Variants in METTL21A observed in about 807,000 individuals in gnomAD.
The protein encoded by METTL21A is methyltransferase 21A, HSPA lysine.
METTL21A carries 22 observed loss-of-function variants against 20.9 expected under a neutral mutation model. That is an observed-to-expected ratio of 1.05 (90% CI 0.75 to 1.50). The LOEUF is 1.50. Among genes scored for constraint, METTL21A ranks in the 40% most tolerant of loss-of-function variants. The pLI is 0.00. For synonymous variants in METTL21A, 93 were observed against 102.0 expected (o/e 0.91, Z 0.53); for missense variants, 271 against 266.8 (o/e 1.02, Z -0.11).
upstream of METTL21A, chr2:207,626,027 CGCTCGGCTCCAGCCCCGGCCCCAGG>C (rs2091043540): frequency 6.6e-6 from 1 of 152,358 alleles, no homozygotes; most frequent in African/African-American, 2.4e-5. Flanking sequence ...TCTGGGCGTG[CGCTCGGCTCCAGCCCCGGCCCCAGG>C]CGGCGCTGCA....
At chr2:207,590,191 A>C (rs933265572) in intron 3 of METTL21A, among the ~76,000 whole-genome samples, 1 of 150,738 alleles carries the variant, frequency 6.6e-6, no homozygotes, top group African/African-American at 2.4e-5. Flanking sequence ...CATTTCTTCA[A>C]AGTTATCAAA....
chr2:207,597,571 C>G, intron 3 of METTL21A: 1 of 209,990 alleles, frequency 4.8e-6, no homozygotes, highest in Non-Finnish European at 9.7e-6. Context: ...TGTTAAGAGA[C>G]ATACCCTCTA....
At chr2:207,616,183 T>C (rs534215145) in intron 3 of METTL21A, among the ~76,000 whole-genome samples, 3 of 146,102 alleles carry the variant, frequency 2.1e-5, no homozygotes, top group East Asian at 2.0e-4. Context: ...CTATCTCTTT[T>C]AAAAAAAAAA....
chr2:207,588,130 C>G (rs1413134285), intron 3 of METTL21A, among the ~76,000 whole-genome samples: 1 of 11,268 alleles, frequency 8.9e-5, no homozygotes, highest in East Asian at 0.014. Flanking sequence ...ATCAATATCA[C>G]ACAGACTTCG....
intron 3 of METTL21A, chr2:207,598,995 G>T (rs56325368): frequency 5.4e-6 from 1 of 184,914 alleles, no homozygotes; most frequent in African/African-American, 2.3e-5. Context: ...AGTGTTAATT[G>T]CTGGATCCAT....
At chr2:207,612,797 C>A (rs550512576) in exon 4 of METTL21A, 9 of 370,136 alleles carry the variant, frequency 2.4e-5, no homozygotes, top group Non-Finnish European at 4.3e-5. Flanking sequence ...ACACAAATAG[C>A]ATAAATCGAA....
At chr2:207,609,720 T>G (rs997980744), downstream of METTL21A, 1 of 151,464 alleles carries the variant, frequency 6.6e-6, no homozygotes, top group Admixed American at 6.6e-5. Flanking sequence ...TGAGCAAGGG[T>G]AAAACAGAAG....
At chr2:207,581,510 A>G (rs2082955124), downstream of METTL21A, 1 of 210,350 alleles carries the variant, frequency 4.8e-6, no homozygotes, top group Admixed American at 5.9e-5. Flanking sequence ...ACATTACCTA[A>G]AAATTGAATT....
downstream of METTL21A, among the ~76,000 whole-genome samples, chr2:207,605,213 C>T (rs1047645988): frequency 6.6e-6 from 1 of 152,200 alleles, no homozygotes; most frequent in Non-Finnish European, 1.5e-5. Context: ...AATTTCTCCA[C>T]ACCTTCACCA....
At chr2:207,620,720 T>G (rs2090385240) in intron 3 of METTL21A, 4 of 1,529,730 alleles carry the variant, frequency 2.6e-6, no homozygotes, top group Non-Finnish European at 3.5e-6. Context: ...GACGGAAACC[T>G]CTGTCAATTT....
At chr2:207,602,787 T>C in intron 3 of METTL21A, 1 of 215,976 alleles carries the variant, frequency 4.6e-6, no homozygotes, top group East Asian at 6.9e-5. Flanking sequence ...AACATTTTTT[T>C]TGAGTATAGA....
chr2:207,582,001 G>T, exon 4 of METTL21A: 1 of 699,650 alleles, frequency 1.4e-6, no homozygotes, highest in Non-Finnish European at 2.6e-6. Context: ...GAGGTATAGT[G>T]TGCCTTTCTC....
intron 3 of METTL21A, chr2:207,600,620 C>T (rs2086886092): frequency 4.7e-6 from 1 of 212,144 alleles, no homozygotes; most frequent in African/African-American, 2.3e-5. Flanking sequence ...TTTCAAAAAT[C>T]ATCCTGGGGG....
intron 3 of METTL21A, 67 bp from the exon 4 acceptor site, chr2:207,613,510 C>T (rs2089271029): frequency 2.1e-6 from 3 of 1,418,094 alleles, no homozygotes; most frequent in African/African-American, 1.4e-5. Flanking sequence ...GAGAGGGGGT[C>T]AAGTTAAATG....
At chr2:207,588,187 A>G (rs770382718) in intron 3 of METTL21A, among the ~76,000 whole-genome samples, 34 of 152,278 alleles carry the variant, frequency 2.2e-4, no homozygotes, top group Middle Eastern at 3.4e-3. Flanking sequence ...TTATATTTAG[A>G]TCTATAATTC....
At chr2:207,586,826 T>G (rs2083927622) in intron 3 of METTL21A, among the ~76,000 whole-genome samples, 1 of 152,238 alleles carries the variant, frequency 6.6e-6, no homozygotes, top group Non-Finnish European at 1.5e-5. Flanking sequence ...ATTGTCAGAT[T>G]AAAACCACAA....
chr2:207,624,309 T>A (rs532031255), exon 2 of METTL21A: 3 of 1,613,918 alleles, frequency 1.9e-6, no homozygotes, highest in Admixed American at 1.7e-5. Flanking sequence ...AAGGAAAAAG[T>A]TGCAAGAGGC....
chr2:207,621,713 G>C (rs2090497217), intron 3 of METTL21A, 93 bp downstream of exon 3: 3 of 1,100,732 alleles, frequency 2.7e-6, no homozygotes, highest in Non-Finnish European at 4.2e-6. Context: ...AACCCAGTAA[G>C]GGGAAAACCC....
intron 3 of METTL21A, chr2:207,597,276 C>T: frequency 4.4e-6 from 2 of 455,460 alleles, no homozygotes; most frequent in Non-Finnish European, 7.5e-6. Flanking sequence ...ATTTTCAACG[C>T]CAGGAATCAT....
Sources: gnomAD v4.1 joint callset for allele counts (sites outside exome capture counted in the v4.1 genomes callset) on GRCh38, gnomAD v4.1.1 for gene constraint, MANE v1.5 for transcripts, NCBI Gene and HGNC (gene_info 2026-07-23, HGNC 2026-07-21) for gene names.